RHOT1: variants seen among roughly 807,000 people sequenced by gnomAD.
RHOT1 encodes ras homolog family member T1.
A neutral mutation model predicts 95.3 loss-of-function variants in RHOT1; 27 were observed. The ratio of observed to expected loss-of-function variants is 0.28; its 90% CI spans 0.21 to 0.39. The LOEUF (loss-of-function observed/expected upper bound fraction) is 0.39. RHOT1 is among the 10% of genes least tolerant of loss of function. The pLI, the probability that RHOT1 is intolerant of heterozygous loss-of-function variation, is 1.00. For synonymous variants in RHOT1, 227 were observed against 263.5 expected (o/e 0.86, Z 1.34); for missense variants, 578 against 786.7 (o/e 0.73, Z 3.17).
Position 32,199,035 on chromosome 17 carries a change from A to T in RHOT1, c.954+4A>T, listed in dbSNP as rs1278838102. ...CACCTTTGACAAGCATGATTTGGTA[A>T]GCCTTTAGCTGTAATTTTCCATTAT... is the stretch of plus-strand genomic sequence containing the variant. On this transcript the variant is annotated splice_donor_region_variant and intron_variant, in intron 12 of 19. Coordinates refer to ENST00000545287, the MANE Select transcript of RHOT1 (RefSeq NM_001033566.3). 1 of 1,586,724 alleles carries T rather than the reference A, an allele frequency of 6.3e-7. No individual in the cohort carries two copies. The highest frequency in any genetic ancestry group is 8.6e-7 in the Non-Finnish European group (1 of 1,156,446).
chr17:32,211,238 G>A lies in RHOT1; in HGVS notation c.1862G>A (p.Arg621Lys). The A allele has an allele frequency of 6.3e-7, 1 of 1,597,540 alleles. No homozygotes were observed. The highest frequency in any genetic ancestry group is 8.6e-7 in the Non-Finnish European group (1 of 1,169,090). ...KNKIFTAVLN[R>K]HVTQADLKSS... ...AAAATCTTCACTGCAGTTCTTAACA[G>A]GTTCTTAACTTTATTTACTGGGTAC... Residue 621 changes from arginine (R) to lysine (K), a missense_variant and splice_region_variant, in exon 19 of 20, where the codon AGG becomes AAG. By Grantham distance (26) the Arg-to-Lys change is conservative (BLOSUM62 2). Around this residue, in one of 4 missense-constraint regions of RHOT1, gnomAD observed 296 missense variants for 338.5 expected, o/e 0.87. Coordinates refer to ENST00000545287, the MANE Select transcript of RHOT1 (RefSeq NM_001033566.3).
At chr17:32,183,023 C>A in intron 7 of RHOT1, 148 bp from the exon 8 acceptor site, 1 of 743,154 alleles carries the variant, frequency 1.3e-6, no homozygotes. Context: ...GGCCTCTGAA[C>A]TCTTTCTAGA....
Position 32,224,815 on chromosome 17 carries a change from A to G in RHOT1, c.*82A>G, listed in dbSNP as rs2039045020. On this transcript the variant is annotated 3_prime_UTR_variant, in exon 20 of 20. Coordinates refer to ENST00000545287, the MANE Select transcript of RHOT1 (RefSeq NM_001033566.3). ...GCTTTAAGTTCTGCTAGAATTATTGAGATATTTATACATGCAGAGTTACTT... is the reference window on the plus strand; with the variant it reads ...GCTTTAAGTTCTGCTAGAATTATTGGGATATTTATACATGCAGAGTTACTT... 3 of 791,956 alleles carry G rather than the reference A, an allele frequency of 3.8e-6. No homozygotes were observed. In the Admixed American group the frequency reaches 6.6e-5, roughly 17 times the overall value. 49.1% of individuals were successfully genotyped at this position (791,956 alleles called of 1,614,324 possible).
chr17:32,160,620 G>A (rs903954992), intron 1 of RHOT1, among the ~76,000 whole-genome samples: 1 of 152,104 alleles, frequency 6.6e-6, no homozygotes, highest in Non-Finnish European at 1.5e-5. Context: ...CCAAGCTTCC[G>A]GGCACCACTG....
chr17:32,199,532 GATTCC>G lies in RHOT1; in HGVS notation c.1083_1087del (p.Leu363ProfsTer27), dbSNP rs1567710881. The G allele has an allele frequency of 6.2e-7, 1 of 1,609,772 alleles. No individual in the cohort carries two copies. On this transcript the variant is annotated frameshift_variant, in exon 13 of 20. Transcript: ENST00000545287. LOFTEE classifies it high-confidence loss of function. ...GAAAGAGGCTGGATAACCTACCAGG[GATTCC>G]TTTCCCAGTGGACGTGAGTATAGAG...
At chr17:32,150,992 A>G in intron 1 of RHOT1, 2 of 1,538,792 alleles carry the variant, frequency 1.3e-6, no homozygotes, top group South Asian at 1.2e-5. Context: ...CTTCAATTTG[A>G]ATCGCCGGTT....
chr17:32,150,182 T>C (rs1484612179), intron 1 of RHOT1, among the ~76,000 whole-genome samples: 1 of 152,222 alleles, frequency 6.6e-6, no homozygotes, highest in Admixed American at 6.5e-5. Context: ...TTAGATTTAC[T>C]GAAGGATTTT....
chr17:32,144,678 G>A (rs1406464765), intron 1 of RHOT1, among the ~76,000 whole-genome samples: 1 of 151,516 alleles, frequency 6.6e-6, no homozygotes, highest in East Asian at 1.9e-4. Context: ...GTGAGATCCT[G>A]TCTCTACAAA....
At chr17:32,170,276 G>A (rs144277725) in intron 1 of RHOT1, among the ~76,000 whole-genome samples, 2 of 152,008 alleles carry the variant, frequency 1.3e-5, no homozygotes, top group East Asian at 1.9e-4. Flanking sequence ...TTAGCTGGAC[G>A]TGGTGACACA....
rs1480863850 is a variant in RHOT1, at chr17:32,142,661, C to T, written c.-32C>T. 2.6e-6 allele frequency: 4 copies of T among 1,519,230 alleles called. No individual in the cohort carries two copies. The highest frequency in any genetic ancestry group is 2.1e-5 in the Admixed American group (1 of 47,072). 94.1% of individuals were successfully genotyped at this position (1,519,230 alleles called of 1,614,324 possible). ...GTGAGAGGAGTCCACTCCGTGCGTG[C>T]GGGCGGAGGCCGGCCCCCGAGAGCC... On this transcript the variant is annotated 5_prime_UTR_variant, in exon 1 of 20. Coordinates refer to ENST00000545287, the MANE Select transcript of RHOT1 (RefSeq NM_001033566.3).
chr17:32,186,129 C>T (rs2036031659), intron 8 of RHOT1, among the ~76,000 whole-genome samples: 1 of 152,168 alleles, frequency 6.6e-6, no homozygotes, highest in Non-Finnish European at 1.5e-5. Context: ...AATGACTGGA[C>T]CATTTTACAT....
intron 19 of RHOT1, among the ~76,000 whole-genome samples, chr17:32,214,962 A>G (rs571067606): frequency 4.6e-4 from 57 of 124,800 alleles, no homozygotes; most frequent in African/African-American, 1.6e-3. Context: ...GCGGGAGTGC[A>G]GTGGCATGAT....
intron 18 of RHOT1, chr17:32,208,550 A>G (rs1307929962): frequency 1.8e-5 from 8 of 442,922 alleles, no homozygotes; most frequent in Non-Finnish European, 2.9e-5. Context: ...ATCTTAATAG[A>G]ATAGTACAAT....
chr17:32,214,281 AAG>A (rs892838047), intron 19 of RHOT1, among the ~76,000 whole-genome samples: 6 of 152,144 alleles, frequency 3.9e-5, no homozygotes, highest in Admixed American at 3.9e-4. Flanking sequence ...CACTGTCTAA[AAG>A]AGGCAGCCAC....
intron 14 of RHOT1, among the ~76,000 whole-genome samples, chr17:32,201,735 T>A (rs1038027450): frequency 6.6e-6 from 1 of 152,260 alleles, no homozygotes; most frequent in Non-Finnish European, 1.5e-5. Context: ...GGTATACTTT[T>A]ATATATCTTA....
chr17:32,176,769 G>T lies in RHOT1; in HGVS notation c.329+556G>T, dbSNP rs146949489. On this transcript the variant is annotated intron_variant, in intron 6 of 19. Transcript: ENST00000545287. ...CGTATTTTTTAGTAGAGAGGGTTTC[G>T]CACGTTGGTCAGTCTGGTCTCGAAC... 6.6e-5 allele frequency among the ~76,000 whole-genome samples: 10 copies of T among 151,756 alleles called. No individual in the cohort carries two copies. In the South Asian group the frequency reaches 1.9e-3, roughly 28 times the overall value.
chr17:32,175,599 G>C (rs1224953094), intron 4 of RHOT1, among the ~76,000 whole-genome samples: 2 of 152,116 alleles, frequency 1.3e-5, no homozygotes, highest in East Asian at 3.9e-4. Flanking sequence ...TGGGATTACA[G>C]GCATGCACCA....
intron 11 of RHOT1, among the ~76,000 whole-genome samples, chr17:32,195,534 A>T (rs2036814773): frequency 6.6e-6 from 1 of 152,162 alleles, no homozygotes; most frequent in South Asian, 2.1e-4. Flanking sequence ...CAGGGAAGCG[A>T]GCTTTTCAGG....
chr17:32,176,986 A>G (rs573110939), intron 6 of RHOT1, among the ~76,000 whole-genome samples: 1 of 152,308 alleles, frequency 6.6e-6, no homozygotes, highest in African/African-American at 2.4e-5. Context: ...TTGAAACGCT[A>G]AAGATCTGGT....
Sources: allele counts gnomAD v4.1 joint callset (sites outside exome capture counted in the v4.1 genomes callset), GRCh38; gene constraint gnomAD v4.1.1; regional missense constraint gnomAD v4.1.1; transcripts MANE v1.5; gene names NCBI Gene and HGNC (gene_info 2026-07-23, HGNC 2026-07-21).